The following TRPC1 variants were observed in gnomAD, a reference collection of about 807,000 sequenced individuals.
The protein encoded by TRPC1 is transient receptor potential cation channel subfamily C member 1.
Under a neutral mutation model 88.2 loss-of-function variants are expected in TRPC1, and 42 were observed. The ratio of observed to expected loss-of-function variants is 0.48; its 90% CI spans 0.37 to 0.62. The LOEUF is 0.62. TRPC1 is among the 20% of genes least tolerant of loss of function. TRPC1 has a pLI of 0.00. For missense variants in TRPC1, 699 were observed against 957.3 expected, an observed-to-expected ratio of 0.73 and a Z score of 3.56; for synonymous variants, 288 against 331.8, an observed-to-expected ratio of 0.87 and a Z score of 1.43.
chr3:142,777,426 C>T (rs1386298109), intron 4 of TRPC1, among the ~76,000 whole-genome samples: 1 of 151,976 alleles, frequency 6.6e-6, no homozygotes, highest in East Asian at 1.9e-4. Context: ...TTCTAAAAAG[C>T]AATAGATAGC....
At position 142,804,013 on chromosome 3, in the gene TRPC1, T is replaced by A. The variant is rs9875489; in HGVS notation, c.1794T>A (p.Ile598=). 5.5e-3 allele frequency: 8,896 copies of A among 1,613,710 alleles called. 423 individuals carry two copies. The African/African-American group carries it at 0.1, about 19-fold the overall frequency. Residue 598 remains isoleucine (I), a synonymous_variant, in exon 11 of 13, where the codon ATT becomes ATA. Coordinates refer to ENST00000476941, the MANE Select transcript of TRPC1 (RefSeq NM_001251845.2). ...IGTCFALFWY[I]FSLAHVAIFV... ...CCTGCTTTGCTTTGTTCTGGTATAT[T>A]TTCTCCTTAGCGCATGTGGCAATCT...
chr3:142,734,964 G>C (rs1256421981), intron 1 of TRPC1, among the ~76,000 whole-genome samples: 2 of 152,284 alleles, frequency 1.3e-5, no homozygotes, highest in East Asian at 3.9e-4. Context: ...TCCAGTAATA[G>C]CGATAAATTT....
At chr3:142,790,641 CGT>C (rs1936265897) in intron 7 of TRPC1, among the ~76,000 whole-genome samples, 1 of 152,036 alleles carries the variant, frequency 6.6e-6, no homozygotes, top group Admixed American at 6.6e-5. Flanking sequence ...GGGGTGTGTA[CGT>C]GTGTGCGTGC....
intron 3 of TRPC1, among the ~76,000 whole-genome samples, chr3:142,744,866 G>A (rs990843096): frequency 6.6e-6 from 1 of 152,028 alleles, no homozygotes; most frequent in African/African-American, 2.4e-5. Context: ...TATTGGTGAC[G>A]ATACCGTGAA....
intron 4 of TRPC1, among the ~76,000 whole-genome samples, chr3:142,765,551 A>C (rs1367568894): frequency 6.6e-6 from 1 of 152,176 alleles, no homozygotes; most frequent in Non-Finnish European, 1.5e-5. Flanking sequence ...AAAGTAAACA[A>C]AAATAAGCAA....
chr3:142,742,844 A>G (rs1934404335), intron 2 of TRPC1, among the ~76,000 whole-genome samples: 1 of 152,130 alleles, frequency 6.6e-6, no homozygotes, highest in African/African-American at 2.4e-5. Context: ...GGATCTTCAC[A>G]GTGAGCTATA....
chr3:142,788,449 T>C (rs1348622060), intron 7 of TRPC1, among the ~76,000 whole-genome samples: 1 of 152,160 alleles, frequency 6.6e-6, no homozygotes, highest in African/African-American at 2.4e-5. Flanking sequence ...GGAAGAGTAC[T>C]AGGCTTGGGG....
chr3:142,745,552 G>A (rs553033291), intron 3 of TRPC1, among the ~76,000 whole-genome samples: 2 of 152,122 alleles, frequency 1.3e-5, no homozygotes, highest in Non-Finnish European at 2.9e-5. Flanking sequence ...GCTGAGGCAG[G>A]AGAATTGCTT....
chr3:142,759,606 C>CTCCCATTCTGTAGGTTGCCTTTTCACTTT (rs1305011453), intron 4 of TRPC1, among the ~76,000 whole-genome samples: 1 of 152,152 alleles, frequency 6.6e-6, no homozygotes, highest in Non-Finnish European at 1.5e-5. Context: ...TAAAAATTTT[C>CTCCCATTCTGTAGGTTGCCTTTTCACTTT]TCCCATTCTG....
intron 5 of TRPC1, among the ~76,000 whole-genome samples, chr3:142,780,195 C>G (rs1346885769): frequency 6.6e-6 from 1 of 152,150 alleles, no homozygotes; most frequent in Non-Finnish European, 1.5e-5. Flanking sequence ...TTCTTCATTT[C>G]TCACAAATTA....
chr3:142,785,168 A>G, intron 7 of TRPC1, 128 bp downstream of exon 7: 4 of 744,070 alleles, frequency 5.4e-6, no homozygotes, highest in Non-Finnish European at 8.4e-6. Flanking sequence ...GAATTTGAAC[A>G]CTTCCATGAT....
At chr3:142,747,055 C>G (rs1001874901) in intron 3 of TRPC1, among the ~76,000 whole-genome samples, 1 of 152,040 alleles carries the variant, frequency 6.6e-6, no homozygotes, top group Non-Finnish European at 1.5e-5. Flanking sequence ...TTATTTTTTT[C>G]TGAAGATTCT....
At chr3:142,800,688 G>A (rs1359846913) in intron 9 of TRPC1, among the ~76,000 whole-genome samples, 1 of 152,044 alleles carries the variant, frequency 6.6e-6, no homozygotes, top group Non-Finnish European at 1.5e-5. Context: ...AAGCTGAGGT[G>A]GGCAGATCAC....
intron 4 of TRPC1, among the ~76,000 whole-genome samples, chr3:142,757,847 A>G (rs1041579129): frequency 8.5e-5 from 13 of 152,288 alleles, no homozygotes; most frequent in Admixed American, 3.3e-4. Flanking sequence ...TACATAGTAC[A>G]TATATGTATT....
chr3:142,752,279 GATA>G (rs1469881822), intron 4 of TRPC1, among the ~76,000 whole-genome samples: 1 of 152,278 alleles, frequency 6.6e-6, no homozygotes, highest in African/African-American at 2.4e-5. Flanking sequence ...AGAGCAGGGT[GATA>G]ATAAGGAGAA....
At chr3:142,805,789 A>AT (rs1270262345) in intron 12 of TRPC1, among the ~76,000 whole-genome samples, 1 of 152,284 alleles carries the variant, frequency 6.6e-6, no homozygotes, top group Non-Finnish European at 1.5e-5. Flanking sequence ...CCTAAGACTA[A>AT]TTTTTTTCAA....
Position 142,802,276 on chromosome 3 carries a change from T to G in TRPC1, c.1689T>G (p.Tyr563Ter). Reference sequence around the variant, plus strand: ...TGACACAACTGTATGATAAAGGATATACTTCAAAGGAGCAGAAGGACTGTG... The same window carrying G: ...TGACACAACTGTATGATAAAGGATAGACTTCAAAGGAGCAGAAGGACTGTG... ...IGLTQLYDKG[Y>*]TSKEQKDCVG... is the part of the protein sequence containing the mutation. The change falls in exon 10 of 13, where the codon TAT becomes TAG. Residue 563 changes from tyrosine (Y) to a stop codon, truncating the protein, a stop_gained. Coordinates refer to ENST00000476941, the MANE Select transcript of TRPC1 (RefSeq NM_001251845.2). LOFTEE classifies it high-confidence loss of function. The G allele has an allele frequency of 6.2e-7, 1 of 1,600,270 alleles. No individual in the cohort carries two copies. Among genetic ancestry groups the G allele is most frequent in the Non-Finnish European group, 8.5e-7 (1 of 1,174,354 alleles).
intron 4 of TRPC1, among the ~76,000 whole-genome samples, chr3:142,761,992 T>G (rs1039539191): frequency 6.6e-6 from 1 of 152,156 alleles, no homozygotes. Flanking sequence ...ATTTTGTTTA[T>G]CTTTTCAAAA....
At chr3:142,753,399 G>T (rs1281366729) in intron 4 of TRPC1, among the ~76,000 whole-genome samples, 5 of 152,164 alleles carry the variant, frequency 3.3e-5, no homozygotes, top group African/African-American at 1.2e-4. Flanking sequence ...GTACGAAATG[G>T]CAAGGACCCC....
Sources: gnomAD v4.1 joint callset for allele counts (sites outside exome capture counted in the v4.1 genomes callset) on GRCh38, gnomAD v4.1.1 for gene constraint, MANE v1.5 for transcripts, NCBI Gene and HGNC (gene_info 2026-07-23, HGNC 2026-07-21) for gene names.